Variants in OPCML observed in about 807,000 individuals in gnomAD.
OPCML encodes the protein opioid-binding protein/cell adhesion molecule.
Under a neutral mutation model 37.8 loss-of-function variants are expected in OPCML, and 13 were observed. The observed-to-expected ratio is 0.34, with a 90% CI of 0.22 to 0.55. The LOEUF (loss-of-function observed/expected upper bound fraction) is 0.55. Ranked by LOEUF, OPCML falls within the 20% of genes least tolerant of loss-of-function variation. The pLI is 0.91. For synonymous variants in OPCML, 176 were observed against 168.8 expected (o/e 1.04, Z -0.33); for missense variants, 341 against 435.6 (o/e 0.78, Z 1.93).
At chr11:132,925,919 A>G (rs1459965074) in intron 2 of OPCML, among the ~76,000 whole-genome samples, 1 of 152,156 alleles carries the variant, frequency 6.6e-6, no homozygotes, top group Non-Finnish European at 1.5e-5. Context: ...TCTCTTGCTT[A>G]TTCTGGCCCA....
chr11:133,306,318 T>G (rs2136579404), intron 1 of OPCML, among the ~76,000 whole-genome samples: 1 of 152,278 alleles, frequency 6.6e-6, no homozygotes, highest in South Asian at 2.1e-4. Context: ...ATTCAGAAGC[T>G]TCATGGATTA....
At chr11:133,100,888 A>G (rs1227546334) in intron 1 of OPCML, among the ~76,000 whole-genome samples, 1 of 152,214 alleles carries the variant, frequency 6.6e-6, no homozygotes, top group East Asian at 1.9e-4. Context: ...AGAAGCCTAG[A>G]TGACCTTGGA....
intron 2 of OPCML, among the ~76,000 whole-genome samples, chr11:132,919,327 G>A (rs1273069402): frequency 6.6e-6 from 1 of 152,170 alleles, no homozygotes; most frequent in Non-Finnish European, 1.5e-5. Flanking sequence ...AAACATGTGA[G>A]AAATTCACAT....
chr11:132,944,121 C>T (rs1248108852), intron 1 of OPCML, among the ~76,000 whole-genome samples: 4 of 151,760 alleles, frequency 2.6e-5, no homozygotes, highest in African/African-American at 9.7e-5. Context: ...CCACTTCGCT[C>T]CGTCCCGACA....
intron 1 of OPCML, among the ~76,000 whole-genome samples, chr11:133,278,166 G>A (rs1284305343): frequency 6.6e-6 from 1 of 152,064 alleles, no homozygotes. Context: ...TATCAGGCTT[G>A]GATCTCTTGG....
intron 3 of OPCML, among the ~76,000 whole-genome samples, chr11:132,631,375 A>ATATATATATATATATATC (rs1491278364): frequency 2.1e-5 from 3 of 139,592 alleles, no homozygotes; most frequent in African/African-American, 7.9e-5. Flanking sequence ...ATATATATAT[A>ATATATATATATATATATC]TCTCCTAGGT....
At chr11:132,791,896 T>C (rs1937937729) in intron 2 of OPCML, among the ~76,000 whole-genome samples, 1 of 152,160 alleles carries the variant, frequency 6.6e-6, no homozygotes, top group Non-Finnish European at 1.5e-5. Context: ...GGGCAGATGA[T>C]GGGTGTACTC....
Position 133,038,997 on chromosome 11 carries a change from T to C in OPCML, c.62-95987A>G, listed in dbSNP as rs1166847497. On this transcript the variant is annotated intron_variant, in intron 1 of 7. Transcript: ENST00000524381. ...GCGGGACCCACACCTGTCTCTTTTC[T>C]TTCAAAGCAGTTAGCAGTAAAGTGG... Among the ~76,000 whole-genome samples, 3 of 152,202 alleles carry C rather than the reference T, an allele frequency of 2.0e-5. No individual in the cohort carries two copies. The East Asian group carries it at 5.8e-4, about 29-fold the overall frequency.
At chr11:133,050,049 G>A (rs1281299443) in intron 1 of OPCML, among the ~76,000 whole-genome samples, 1 of 152,196 alleles carries the variant, frequency 6.6e-6, no homozygotes, top group African/African-American at 2.4e-5. Flanking sequence ...GACTTAACAA[G>A]TTGAGAGTCT....
At chr11:132,576,004 T>C (rs1385981471) in intron 3 of OPCML, among the ~76,000 whole-genome samples, 2 of 152,114 alleles carry the variant, frequency 1.3e-5, no homozygotes, top group Admixed American at 6.5e-5. Context: ...CACTCACACT[T>C]GTATGTAACC....
At chr11:133,191,349 C>G (rs1938305190) in intron 1 of OPCML, among the ~76,000 whole-genome samples, 1 of 152,018 alleles carries the variant, frequency 6.6e-6, no homozygotes, top group Admixed American at 6.6e-5. Flanking sequence ...TGCAAGAGTT[C>G]CTTCCCTGTT....
chr11:132,576,083 C>T (rs4267082), intron 3 of OPCML, among the ~76,000 whole-genome samples: 93,496 of 151,672 alleles, frequency 0.62, 28,900 homozygotes, highest in Admixed American at 0.7. Flanking sequence ...ACTTTCAAAA[C>T]TATTTGTCTT....
At chr11:132,536,121 G>T (rs144226117) in intron 3 of OPCML, among the ~76,000 whole-genome samples, 60 of 152,246 alleles carry the variant, frequency 3.9e-4, no homozygotes, top group African/African-American at 1.4e-3. Flanking sequence ...ACCCAGAGCT[G>T]CCCAGCTTCC....
chr11:133,440,762 T>TTATATATATATATATATATATA (rs58808691), intron 1 of OPCML, among the ~76,000 whole-genome samples: 19 of 126,872 alleles, frequency 1.5e-4, no homozygotes, highest in African/African-American at 6.3e-4. Context: ...CCTACAGCAA[T>TTATATATATATATATATATATA]TATATATATA....
At chr11:133,236,563 A>C (rs1468097452) in intron 1 of OPCML, among the ~76,000 whole-genome samples, 1 of 152,058 alleles carries the variant, frequency 6.6e-6, no homozygotes, top group East Asian at 1.9e-4. Context: ...TTAGAAGCAA[A>C]ATTTATTCAA....
chr11:132,529,799 G>C (rs2096319105), intron 3 of OPCML, among the ~76,000 whole-genome samples: 1 of 152,134 alleles, frequency 6.6e-6, no homozygotes, highest in Non-Finnish European at 1.5e-5. Context: ...TCTCTTGATA[G>C]AGTTGGAAAA....
chr11:133,527,250 C>A (rs1948509051), intron 1 of OPCML, among the ~76,000 whole-genome samples: 1 of 152,198 alleles, frequency 6.6e-6, no homozygotes, highest in Admixed American at 6.5e-5. Context: ...TACCACAAAG[C>A]AACGTTTTGA....
At chr11:133,465,006 T>C (rs1282820261) in intron 1 of OPCML, among the ~76,000 whole-genome samples, 1 of 152,328 alleles carries the variant, frequency 6.6e-6, no homozygotes, top group Non-Finnish European at 1.5e-5. Flanking sequence ...GAGCATGGTA[T>C]GTCTGTTCAT....
chr11:132,679,209 A>G (rs1016779258), intron 2 of OPCML, among the ~76,000 whole-genome samples: 2 of 152,206 alleles, frequency 1.3e-5, no homozygotes, highest in Non-Finnish European at 2.9e-5. Context: ...GAAGTTGATC[A>G]TGAGATACTA....
Sources: gnomAD v4.1 joint callset for allele counts (sites outside exome capture counted in the v4.1 genomes callset) on GRCh38, gnomAD v4.1.1 for gene constraint, MANE v1.5 for transcripts, NCBI Gene and HGNC (gene_info 2026-07-23, HGNC 2026-07-21) for gene names.